CSMD1: variants seen among roughly 807,000 people sequenced by gnomAD.
The protein encoded by CSMD1 is CUB and sushi domain-containing protein 1.
CSMD1 carries 213 observed loss-of-function variants against 417.5 expected under a neutral mutation model. The ratio of observed to expected loss-of-function variants is 0.51; its 90% CI spans 0.46 to 0.57. The LOEUF is 0.57. Ranked by LOEUF, CSMD1 falls within the 20% of genes least tolerant of loss-of-function variation. The pLI is 0.00. For missense variants in CSMD1, 6,923 were observed against 4,529.7 expected, an observed-to-expected ratio of 1.53 and a Z score of -15.17; for synonymous variants, 2,862 against 1,736.8, an observed-to-expected ratio of 1.65 and a Z score of -16.11.
chr8:4,931,961 G>C (rs55887031), intron 1 of CSMD1, among the ~76,000 whole-genome samples: 13,808 of 151,764 alleles, frequency 0.091, 740 homozygotes, highest in African/African-American at 0.13. Flanking sequence ...ACATGTATTA[G>C]TTATTAAAAT....
At chr8:2,967,792 T>C (rs1440960182) in intron 57 of CSMD1, among the ~76,000 whole-genome samples, 1 of 152,186 alleles carries the variant, frequency 6.6e-6, no homozygotes, top group Non-Finnish European at 1.5e-5. Flanking sequence ...GAAGAAAACA[T>C]CCTGCAAAAT....
At chr8:4,103,190 C>T (rs956660484) in intron 3 of CSMD1, among the ~76,000 whole-genome samples, 4 of 151,884 alleles carry the variant, frequency 2.6e-5, no homozygotes, top group African/African-American at 7.3e-5. Context: ...GTAACAGCAA[C>T]ATTTTCTAAC....
chr8:3,880,145 C>A (rs913763061), intron 5 of CSMD1, among the ~76,000 whole-genome samples: 6 of 152,034 alleles, frequency 3.9e-5, no homozygotes, highest in African/African-American at 1.4e-4. Context: ...CTGCTAGTAC[C>A]TTCGACCATG....
chr8:3,250,614 G>A (rs575074210), intron 26 of CSMD1, among the ~76,000 whole-genome samples: 1 of 152,162 alleles, frequency 6.6e-6, no homozygotes, highest in Non-Finnish European at 1.5e-5. Flanking sequence ...TCTAGTTCTA[G>A]GTCCCTGAGG....
At chr8:3,189,561 C>T (rs894337) in intron 34 of CSMD1, among the ~76,000 whole-genome samples, 67,759 of 151,996 alleles carry the variant, frequency 0.45, 15,362 homozygotes, top group South Asian at 0.58. Flanking sequence ...GATTCATCAG[C>T]ACCAATTTAT....
intron 50 of CSMD1, among the ~76,000 whole-genome samples, chr8:3,041,440 C>T (rs1331583775): frequency 6.6e-6 from 1 of 152,100 alleles, no homozygotes; most frequent in Non-Finnish European, 1.5e-5. Flanking sequence ...AAAATACACA[C>T]CTTGAAAACC....
At chr8:2,990,463 T>G (rs184629821) in intron 54 of CSMD1, among the ~76,000 whole-genome samples, 2 of 152,260 alleles carry the variant, frequency 1.3e-5, no homozygotes, top group South Asian at 2.1e-4. Flanking sequence ...CATCCCCCAT[T>G]TTCCATAGCC....
intron 2 of CSMD1, among the ~76,000 whole-genome samples, chr8:4,578,595 T>C (rs1799254058): frequency 6.6e-6 from 1 of 151,352 alleles, no homozygotes; most frequent in South Asian, 2.1e-4. Flanking sequence ...GGTGGGCGGT[T>C]CACGAGGTCA....
At chr8:4,451,387 A>G (rs1235317568) in intron 2 of CSMD1, among the ~76,000 whole-genome samples, 2 of 152,168 alleles carry the variant, frequency 1.3e-5, no homozygotes, top group East Asian at 3.9e-4. Context: ...ATGGAAGATA[A>G]TTATTGAACA....
chr8:3,512,794 C>G (rs143864735), intron 10 of CSMD1, among the ~76,000 whole-genome samples: 10 of 151,892 alleles, frequency 6.6e-5, no homozygotes, highest in African/African-American at 2.4e-4. Context: ...TTACTAGAGA[C>G]AGGGTTTCAC....
chr8:3,476,956 G>C (rs987911735), intron 11 of CSMD1, among the ~76,000 whole-genome samples: 2 of 150,886 alleles, frequency 1.3e-5, no homozygotes, highest in Admixed American at 6.6e-5. Flanking sequence ...GTAGTTCAGG[G>C]TTTAAGTTGG....
Position 4,777,611 on chromosome 8 carries a change from G to T in CSMD1, c.86-140053C>A, listed in dbSNP as rs111357092. Among the ~76,000 whole-genome samples, 248 of 152,246 alleles carry T rather than the reference G, an allele frequency of 1.6e-3. 1 individual carries two copies. Among genetic ancestry groups the T allele is most frequent in the African/African-American group, 5.7e-3 (238 of 41,532 alleles). On this transcript the variant is annotated intron_variant, in intron 1 of 69. Transcript: ENST00000635120. The stretch of plus-strand genomic sequence containing the variant: ...TGCAGTAAGAATGTACATACCCTTT[G>T]ATTGTTTTTAGAGAATTTGCTTTTA...
In CSMD1 at chr8:4,545,618, G is replaced by C. The variant is rs573996327; in HGVS notation, c.302+91724C>G. Among the ~76,000 whole-genome samples the C allele has an allele frequency of 1.2e-3, 178 of 152,278 alleles. 1 individual carries two copies. The highest frequency in any genetic ancestry group is 4.0e-3 in the African/African-American group (165 of 41,566). ...CAGAAGCCCTGGCTAGAGAAAAAGT[G>C]GTTGGCTGGTTCGTGGCTAGGAGTA... On this transcript the variant is annotated intron_variant, in intron 2 of 69. Coordinates refer to ENST00000635120, the MANE Select transcript of CSMD1 (RefSeq NM_033225.6).
chr8:3,747,373 C>A (rs570325956), intron 6 of CSMD1, among the ~76,000 whole-genome samples: 1 of 129,234 alleles, frequency 7.7e-6, no homozygotes, highest in East Asian at 2.1e-4. Flanking sequence ...TTCTGATCAT[C>A]TTTGAAAACA....
chr8:3,631,938 G>C (rs1240827230), intron 7 of CSMD1, among the ~76,000 whole-genome samples: 2 of 152,222 alleles, frequency 1.3e-5, no homozygotes, highest in East Asian at 1.9e-4. Flanking sequence ...CTGCCTCTTT[G>C]TATGTTAACA....
chr8:3,606,140 C>T (rs1801600676), intron 8 of CSMD1, among the ~76,000 whole-genome samples: 1 of 152,094 alleles, frequency 6.6e-6, no homozygotes, highest in Non-Finnish European at 1.5e-5. Context: ...TGTAAAGAGC[C>T]CCTCGTTCTG....
intron 1 of CSMD1, among the ~76,000 whole-genome samples, chr8:4,952,932 T>C (rs952062740): frequency 3.9e-5 from 6 of 152,174 alleles, no homozygotes; most frequent in South Asian, 2.1e-4. Context: ...TGCTACATAC[T>C]ACAAGACATG....
intron 2 of CSMD1, among the ~76,000 whole-genome samples, chr8:4,486,889 CAAG>C (rs1320358846): frequency 6.6e-6 from 1 of 151,990 alleles, no homozygotes; most frequent in African/African-American, 2.4e-5. Flanking sequence ...AGATAAAAAG[CAAG>C]AAGAAGGGGG....
chr8:3,926,942 CT>C (rs1437583970), intron 5 of CSMD1, among the ~76,000 whole-genome samples: 1 of 151,744 alleles, frequency 6.6e-6, no homozygotes, highest in Non-Finnish European at 1.5e-5. Flanking sequence ...TCTCAAACTC[CT>C]GACATCGTGA....
Sources: gnomAD v4.1 joint callset for allele counts (sites outside exome capture counted in the v4.1 genomes callset) on GRCh38, gnomAD v4.1.1 for gene constraint, MANE v1.5 for transcripts, NCBI Gene and HGNC (gene_info 2026-07-23, HGNC 2026-07-21) for gene names.